PKD1: variants seen among roughly 807,000 people sequenced by gnomAD.
PKD1 encodes polycystin-1.
PKD1 carries 81 observed loss-of-function variants against 361.7 expected under a neutral mutation model. That is an observed-to-expected ratio of 0.22 (90% confidence interval 0.19 to 0.27). The LOEUF (loss-of-function observed/expected upper bound fraction) is 0.27, where lower values mean the gene tolerates loss of function less well. Ranked by LOEUF, PKD1 falls within the 10% of genes least tolerant of loss-of-function variation. The pLI, the probability that PKD1 is intolerant of heterozygous loss-of-function variation, is 1.00. For missense variants in PKD1, 6,399 were observed against 6,118.3 expected (o/e 1.05, Z -1.53); for synonymous variants, 3,615 against 2,818.3 (o/e 1.28, Z -8.95).
rs767322474 is a variant in PKD1 at position 2,114,200 on chromosome 16, G to A, written c.2823C>T (p.Pro941=). 1.7e-5 allele frequency: 28 copies of A among 1,608,880 alleles called. No homozygotes were observed. Among genetic ancestry groups the A allele is most frequent in the Admixed American group, 8.3e-5 (5 of 59,972 alleles). The change falls in exon 11 of 46, where the codon CCC becomes CCT. Residue 941 remains proline, a synonymous_variant. Coordinates refer to ENST00000262304, the MANE Select transcript of PKD1 (RefSeq NM_001009944.3). The stretch of plus-strand genomic sequence containing the variant: ...GGACTCCCTGCAGTACACGGGCCTC[G>A]GGGCTGGGCGTGGCGCGGAGGCCAC... ...PICGLRATPS[P]EARVLQGVLV...
chr16:2,127,345 G>A (rs1245015274), intron 1 of PKD1, among the ~76,000 whole-genome samples: 1 of 152,172 alleles, frequency 6.6e-6, no homozygotes, highest in Non-Finnish European at 1.5e-5. Flanking sequence ...GGCACCAATG[G>A]GCAAACACCC....
rs1441816247 is a variant in PKD1, at chr16:2,092,710, T to C, written c.11157-118A>G. ...CTGCCCTGCTGGCCACGGCTAGACC[T>C]GGGCTTCTCAGCCTTATCCTGGGGA... is the stretch of plus-strand genomic sequence containing the variant. On this transcript the variant is annotated intron_variant, in intron 38 of 45. Coordinates refer to ENST00000262304, the MANE Select transcript of PKD1 (RefSeq NM_001009944.3). The C allele has an allele frequency of 4.6e-6, 4 of 874,832 alleles. No individual in the cohort carries two copies. The South Asian group carries it at 5.6e-5, about 12-fold the overall frequency. The allele number at this position is 874,832 out of a possible 1,614,324, so 54.2% of individuals were successfully genotyped here.
intron 39 of PKD1, 124 bp from the exon 40 acceptor site, chr16:2,092,312 A>T: frequency 3.5e-6 from 4 of 1,127,822 alleles, no homozygotes; most frequent in Non-Finnish European, 5.1e-6. Context: ...CCCAGCAGCC[A>T]TCAATTAGAC....
chr16:2,097,787 G>C lies in PKD1; in HGVS notation c.10168-7C>G. The C allele has an allele frequency of 1.9e-6, 3 of 1,611,442 alleles. No individual in the cohort carries two copies. Among genetic ancestry groups the C allele is most frequent in the Non-Finnish European group, 2.5e-6 (3 of 1,179,900 alleles). On this transcript the variant is annotated splice_region_variant and splice_polypyrimidine_tract_variant and intron_variant, in intron 31 of 45. Coordinates refer to ENST00000262304, the MANE Select transcript of PKD1 (RefSeq NM_001009944.3). Reference sequence around the variant, plus strand: ...TCTGTCCAACAAAGGCCTGCTGAGAGGTGCACAGTGTCTTGAGTCCAAGCT... The same window carrying C: ...TCTGTCCAACAAAGGCCTGCTGAGACGTGCACAGTGTCTTGAGTCCAAGCT...
At chr16:2,128,357 T>C (rs1160689086) in intron 1 of PKD1, among the ~76,000 whole-genome samples, 2 of 146,800 alleles carry the variant, frequency 1.4e-5, no homozygotes, top group Non-Finnish European at 3.0e-5. Context: ...TGGGAGGGGC[T>C]GGCAGCACCC....
intron 1 of PKD1, among the ~76,000 whole-genome samples, chr16:2,132,592 G>A (rs1315053383): frequency 5.1e-4 from 68 of 134,442 alleles, no homozygotes; most frequent in African/African-American, 1.4e-3. Flanking sequence ...AAAAAAAAAA[G>A]AAAAAAAAAA....
intron 34 of PKD1, 33 bp from the exon 35 acceptor site, chr16:2,094,243 G>A (rs202006221): frequency 2.0e-5 from 28 of 1,366,158 alleles, no homozygotes; most frequent in African/African-American, 2.9e-5. Flanking sequence ...AATTCATCCC[G>A]GCCTCCAGGA....
In PKD1 at chr16:2,097,091, C is replaced by A. The variant is rs112892672; in HGVS notation, c.10499+57G>T. ...CCAGGCGGGAACCACGGCTGCCTGG[C>A]CTGAGTCCCGGCCCCTCCTCTGGCA... On this transcript the variant is annotated intron_variant, in intron 34 of 45. Coordinates refer to ENST00000262304, the MANE Select transcript of PKD1 (RefSeq NM_001009944.3). 6 of 753,968 alleles carry A rather than the reference C, an allele frequency of 8.0e-6. No homozygotes were observed. The South Asian group carries it at 8.6e-5, about 11-fold the overall frequency. 46.7% of individuals were successfully genotyped at this position (753,968 alleles called of 1,614,324 possible).
rs1042962551 is a variant in PKD1 at position 2,100,849 on chromosome 16, A to G, written c.9398-283T>C. The G allele has an allele frequency of 1.9e-6, 1 of 513,386 alleles. No individual in the cohort carries two copies. Among genetic ancestry groups the G allele is most frequent in the Non-Finnish European group, 3.6e-6 (1 of 280,932 alleles). The allele number at this position is 513,386 out of a possible 1,614,324, so 31.8% of individuals were successfully genotyped here. On this transcript the variant is annotated intron_variant, in intron 26 of 45. Transcript: ENST00000262304. The surrounding 1 kb of genome is among the most constrained non-coding windows in gnomAD (Gnocchi z 4.4). ...GTCCACACCACAACCAGTGACCCGCACTGCACACCTGTCCACGCCTCAGTC... is the reference window on the plus strand; with the variant it reads ...GTCCACACCACAACCAGTGACCCGCGCTGCACACCTGTCCACGCCTCAGTC...
In PKD1 at chr16:2,089,069, C is replaced by T; in HGVS notation, c.*658G>A. On this transcript the variant is annotated 3_prime_UTR_variant, in exon 46 of 46. Transcript: ENST00000262304. The stretch of plus-strand genomic sequence containing the variant: ...GGGGCAAGGGAGGATGACAAGGCCT[C>T]TGGGGTGATGAGAGTGCCTGGCAGA... The T allele has an allele frequency of 5.3e-6, 1 of 187,252 alleles. No homozygotes were observed. Among genetic ancestry groups the T allele is most frequent in the Non-Finnish European group, 1.1e-5 (1 of 88,774 alleles). The allele number at this position is 187,252 out of a possible 1,614,324, so 11.6% of individuals were successfully genotyped here.
At chr16:2,107,023 T>C in intron 16 of PKD1, 75 bp from the exon 17 acceptor site, 3 of 1,424,682 alleles carry the variant, frequency 2.1e-6, no homozygotes, top group Non-Finnish European at 2.9e-6. Context: ...CCATGGAGGA[T>C]GCTGCTCCCA....
rs375576827 is a variant in PKD1 at position 2,105,456 on chromosome 16, C to T, written c.7882G>A (p.Val2628Met). 30 of 1,594,464 alleles carry T rather than the reference C, an allele frequency of 1.9e-5. No individual in the cohort carries two copies. The highest frequency in any genetic ancestry group is 3.3e-5 in the South Asian group (3 of 90,986). Residue 2628 changes from valine to methionine, a missense_variant, in exon 21 of 46, where the codon GTG becomes ATG. By Grantham distance (21) the Val-to-Met change is conservative. Transcript: ENST00000262304. Reference sequence around the variant, plus strand: ...CGCTCGTGCTTGGGCTCTGCCGCCACGTCCAGGGCCCGCTCGTACTGGGGC... The same window carrying T: ...CGCTCGTGCTTGGGCTCTGCCGCCATGTCCAGGGCCCGCTCGTACTGGGGC... ...VLNEYERALDVAAEPKHERQH... is the reference protein window; with the variant it reads ...VLNEYERALDMAAEPKHERQH...
rs1277508600 is a variant in PKD1 at position 2,103,322 on chromosome 16, T to C, written c.8735A>G (p.Asp2912Gly). The C allele has an allele frequency of 1.2e-5, 20 of 1,607,698 alleles. No individual in the cohort carries two copies. The highest frequency in any genetic ancestry group is 1.6e-5 in the Non-Finnish European group (19 of 1,179,686). Residue 2912 changes from aspartate to glycine, a missense_variant, in exon 23 of 46, where the codon GAC becomes GGC. By Grantham distance (94) the Asp-to-Gly change is moderately conservative. Coordinates refer to ENST00000262304, the MANE Select transcript of PKD1 (RefSeq NM_001009944.3). ...QASVGAVVTL[D>G]SSNPAAGLHL... ...CAGCCCGGCCGCAGGGTTGCTGCTG[T>C]CCAGGGTGACCACAGCACCGACGGA... is the stretch of plus-strand genomic sequence containing the variant.
Position 2,090,959 on chromosome 16 carries a change from G to C in PKD1, c.11928C>G (p.Ser3976Arg). The part of the protein sequence containing the change: ...FVRGRPRRFT[S>R]FDQVAQLSSA... ...AGCTCAGCTGCGCCACCTGGTCGAA[G>C]CTAGTGAAGCGGCGCGGGCGGCCGC... The change falls in exon 43 of 46, where the codon AGC becomes AGG. Residue 3976 changes from serine (S) to arginine (R), a missense_variant. Coordinates refer to ENST00000262304, the MANE Select transcript of PKD1 (RefSeq NM_001009944.3). 6.4e-7 allele frequency: 1 copy of C among 1,555,028 alleles called. No homozygotes were observed. Among genetic ancestry groups the C allele is most frequent in the Non-Finnish European group, 8.6e-7 (1 of 1,156,880 alleles).
At position 2,102,109 on chromosome 16, in the gene PKD1, G is replaced by A. The variant is rs776386257; in HGVS notation, c.9349C>T (p.Arg3117Cys). 144 of 1,566,674 alleles carry A rather than the reference G, an allele frequency of 9.2e-5. 2 individuals carry two copies. The highest frequency in any genetic ancestry group is 4.6e-4 in the Middle Eastern group (2 of 4,322). The change falls in exon 26 of 46, where the codon CGC (arginine) becomes TGC (cysteine). Residue 3117 changes from arginine (R) to cysteine (C), a missense_variant. Physicochemically the swap from Arg to Cys is radical, Grantham distance 180. Transcript: ENST00000262304. ...TTGACGAGGATCTCGTACTTGAAGC[G>A]GCCCCGCTGCCCACAGAAAGGGATG... is the stretch of plus-strand genomic sequence containing the variant. Reference protein sequence around the residue: ...RAIPFCGQRGRFKYEILVKTG... With the variant: ...RAIPFCGQRGCFKYEILVKTG...
At chr16:2,117,127 G>C (rs1235696689) in intron 6 of PKD1, 74 bp from the exon 7 acceptor site, 3 of 744,866 alleles carry the variant, frequency 4.0e-6, no homozygotes, top group Non-Finnish European at 6.7e-6. Flanking sequence ...AGCCCGCTGG[G>C]AGCCCCATCA....
rs750029505 is a variant in PKD1 at position 2,093,701 on chromosome 16, T to G, written c.10859A>C (p.Lys3620Thr). The part of the protein sequence containing the change: ...LEALYFSLVA[K>T]RLHPDEDDTL... ...GTCATCTTCATCCGGGTGCAGCCGC[T>G]TGGCCACCAGTGAGAAGTACAGGGC... is the stretch of plus-strand genomic sequence containing the variant. The change falls in exon 37 of 46, where the codon AAG (lysine) becomes ACG (threonine). Residue 3620 changes from lysine (K) to threonine (T), a missense_variant. By Grantham distance (78) the Lys-to-Thr change is moderately conservative. Transcript: ENST00000262304. 1 of 1,598,612 alleles carries G rather than the reference T, an allele frequency of 6.3e-7. No homozygotes were observed. The highest frequency in any genetic ancestry group is 8.5e-7 in the Non-Finnish European group (1 of 1,172,278).
rs772506520 is a variant in PKD1 at position 2,093,658 on chromosome 16, C to T, written c.10902G>A (p.Pro3634=). The T allele has an allele frequency of 6.2e-6, 10 of 1,608,050 alleles. No homozygotes were observed. Among genetic ancestry groups the T allele is most frequent in the South Asian group, 3.3e-5 (3 of 90,056 alleles). The change falls in exon 37 of 46, where the codon CCG becomes CCA. Residue 3634 remains proline (P), a synonymous_variant. Coordinates refer to ENST00000262304, the MANE Select transcript of PKD1 (RefSeq NM_001009944.3). ...PDEDDTLVES[P]AVTPVSARVP... is the part of the protein sequence containing the mutation. ...CACGTGCGCTCACAGGCGTCACAGCCGGGCTCTCTACCAGGGTGTCATCTT... is the reference window on the plus strand; with the variant it reads ...CACGTGCGCTCACAGGCGTCACAGCTGGGCTCTCTACCAGGGTGTCATCTT...
intron 1 of PKD1, among the ~76,000 whole-genome samples, chr16:2,132,574 C>CAAA (rs57615937): frequency 4.6e-5 from 2 of 43,254 alleles, no homozygotes; most frequent in African/African-American, 8.4e-5. Context: ...GACTCCGTCT[C>CAAA]AAAAAAAAAA....
Sources: allele counts gnomAD v4.1 joint callset (sites outside exome capture counted in the v4.1 genomes callset), GRCh38; gene constraint gnomAD v4.1.1; non-coding constraint Gnocchi (gnomAD v3.1); transcripts MANE v1.5; gene names NCBI Gene and HGNC (gene_info 2026-07-23, HGNC 2026-07-21).